The following ELMO1 variants were observed in gnomAD, a reference collection of about 807,000 sequenced individuals.
ELMO1 encodes the protein engulfment and cell motility 1.
Under a neutral mutation model 98.9 loss-of-function variants are expected in ELMO1, and 26 were observed. The ratio of observed to expected loss-of-function variants is 0.26; its 90% CI spans 0.19 to 0.36. The LOEUF is 0.36. ELMO1 is among the 10% of genes least tolerant of loss of function. ELMO1 has a pLI of 1.00. For missense variants in ELMO1, 627 were observed against 935.2 expected (o/e 0.67, Z 4.30); for synonymous variants, 346 against 346.0 (o/e 1.00, Z 0.00).
At chr7:37,210,900 A>T (rs1013447749) in intron 13 of ELMO1, among the ~76,000 whole-genome samples, 1 of 152,232 alleles carries the variant, frequency 6.6e-6, no homozygotes, top group South Asian at 2.1e-4. Context: ...CTAGGAGACA[A>T]CCTATTAGCA....
At chr7:37,112,277 A>T (rs1002353839) in intron 14 of ELMO1, among the ~76,000 whole-genome samples, 2 of 152,168 alleles carry the variant, frequency 1.3e-5, no homozygotes, top group Non-Finnish European at 2.9e-5. Context: ...TATAATTCCA[A>T]ACTAAGTGCT....
intron 16 of ELMO1, among the ~76,000 whole-genome samples, chr7:36,975,553 A>G (rs1157740826): frequency 1.3e-5 from 2 of 152,152 alleles, no homozygotes; most frequent in Non-Finnish European, 2.9e-5. Context: ...TTGACATTTA[A>G]AAGATAAAAC....
At position 37,385,748 on chromosome 7, in the gene ELMO1, G is replaced by A. The variant is rs112328185; in HGVS notation, c.-73-42985C>T. On this transcript the variant is annotated intron_variant, in intron 1 of 21. Coordinates refer to ENST00000310758, the MANE Select transcript of ELMO1 (RefSeq NM_014800.11). ...TTGTTGAGTGAACAGCTGAGCGAGC[G>A]CTAGCTTCCCACATGGCAAAATGCA... 1.5e-3 allele frequency among the ~76,000 whole-genome samples: 235 copies of A among 152,350 alleles called. 2 individuals are homozygous for A. The highest frequency in any genetic ancestry group is 5.3e-3 in the African/African-American group (220 of 41,572).
chr7:37,122,283 A>C (rs1272164807), intron 14 of ELMO1, among the ~76,000 whole-genome samples: 1 of 152,226 alleles, frequency 6.6e-6, no homozygotes, highest in Non-Finnish European at 1.5e-5. Flanking sequence ...TTCAAACATA[A>C]CAATATTAAC....
At chr7:37,403,677 T>C (rs1286093919) in intron 1 of ELMO1, among the ~76,000 whole-genome samples, 1 of 152,048 alleles carries the variant, frequency 6.6e-6, no homozygotes, top group Non-Finnish European at 1.5e-5. Flanking sequence ...CCAGAGTAGC[T>C]CGGACTACAG....
chr7:37,250,332 T>C (rs534284131), intron 6 of ELMO1, among the ~76,000 whole-genome samples: 1 of 152,278 alleles, frequency 6.6e-6, no homozygotes, highest in South Asian at 2.1e-4. Flanking sequence ...ACATGAGTAT[T>C]ATAATTCTAC....
At chr7:36,978,232 T>C (rs552769119) in intron 16 of ELMO1, among the ~76,000 whole-genome samples, 20 of 151,992 alleles carry the variant, frequency 1.3e-4, no homozygotes, top group Non-Finnish European at 2.8e-4. Context: ...TGTTGGCTCA[T>C]GGAGCCCAGA....
In ELMO1 at chr7:36,959,115, C is replaced by T. The variant is rs867343222; in HGVS notation, c.1437+54184G>A. On this transcript the variant is annotated intron_variant, in intron 16 of 21. Transcript: ENST00000310758. ...CATCAGTCTCTCCCACCACACTGCCCATCTGTCATATCCAGTTAGTGCATC... is the reference window on the plus strand; with the variant it reads ...CATCAGTCTCTCCCACCACACTGCCTATCTGTCATATCCAGTTAGTGCATC... Among the ~76,000 whole-genome samples the T allele has an allele frequency of 8.5e-5, 13 of 152,130 alleles. 1 individual carries two copies. Among genetic ancestry groups the T allele is most frequent in the African/African-American group, 3.1e-4 (13 of 41,410 alleles).
chr7:36,996,751 T>C (rs185031204), intron 16 of ELMO1, among the ~76,000 whole-genome samples: 2 of 152,324 alleles, frequency 1.3e-5, no homozygotes, highest in Admixed American at 6.5e-5. Flanking sequence ...AGTTGGGCCT[T>C]GAAGGACAGG....
intron 16 of ELMO1, among the ~76,000 whole-genome samples, chr7:36,997,050 G>A (rs1469499386): frequency 6.6e-6 from 1 of 152,142 alleles, no homozygotes; most frequent in Non-Finnish European, 1.5e-5. Context: ...AGGGGAGAGA[G>A]AACTTAGGCT....
intron 1 of ELMO1, among the ~76,000 whole-genome samples, chr7:37,385,687 G>A (rs114773414): frequency 1.1e-3 from 168 of 152,366 alleles, no homozygotes; most frequent in African/African-American, 3.9e-3. Context: ...CCGTGTCTAG[G>A]AGAGGGTCTG....
intron 6 of ELMO1, among the ~76,000 whole-genome samples, chr7:37,253,567 G>C (rs951021294): frequency 3.3e-5 from 5 of 152,216 alleles, no homozygotes; most frequent in Admixed American, 3.3e-4. Context: ...TCACACACCA[G>C]GGCCTGTCAG....
intron 14 of ELMO1, among the ~76,000 whole-genome samples, chr7:37,126,329 A>ATG (rs1563019733): frequency 7.0e-6 from 1 of 142,412 alleles, no homozygotes; most frequent in East Asian, 2.0e-4. Context: ...ATATATATAT[A>ATG]AAAGAAAAGA....
chr7:37,184,377 G>A (rs1168936262), intron 13 of ELMO1, among the ~76,000 whole-genome samples: 22 of 152,130 alleles, frequency 1.4e-4, no homozygotes, highest in Admixed American at 1.4e-3. Context: ...TCAGAGATGT[G>A]GGGAGACACG....
intron 16 of ELMO1, among the ~76,000 whole-genome samples, chr7:36,922,352 A>AAAAAAAAAAAAAAAAAC (rs1785216341): frequency 6.6e-6 from 1 of 151,082 alleles, no homozygotes; most frequent in Non-Finnish European, 1.5e-5. Flanking sequence ...ACTTGCAAAA[A>AAAAAAAAAAAAAAAAAC]AAAAAAAAAA....
At chr7:36,877,155 A>T (rs2129044442) in intron 19 of ELMO1, among the ~76,000 whole-genome samples, 1 of 152,314 alleles carries the variant, frequency 6.6e-6, no homozygotes, top group Non-Finnish European at 1.5e-5. Context: ...CTGGGTAAGG[A>T]CACTGTCTGG....
At chr7:37,053,285 AACACACACAC>A (rs59573752) in intron 15 of ELMO1, among the ~76,000 whole-genome samples, 11,131 of 138,822 alleles carry the variant, frequency 0.08, 478 homozygotes, top group Middle Eastern at 0.2. Context: ...CATTTGTTAA[AACACACACAC>A]ACACACACAC....
chr7:37,371,536 T>TGG (rs572201413), intron 1 of ELMO1, among the ~76,000 whole-genome samples: 1 of 152,270 alleles, frequency 6.6e-6, no homozygotes, highest in African/African-American at 2.4e-5. Context: ...AGTAACAAAA[T>TGG]GGGGGGGTTC....
intron 6 of ELMO1, among the ~76,000 whole-genome samples, chr7:37,244,796 G>A (rs1325856503): frequency 1.3e-5 from 2 of 152,086 alleles, no homozygotes; most frequent in Admixed American, 1.3e-4. Context: ...ATCTTTCTTT[G>A]GTAGAATGTC....
Sources: allele counts gnomAD v4.1 joint callset (sites outside exome capture counted in the v4.1 genomes callset), GRCh38; gene constraint gnomAD v4.1.1; transcripts MANE v1.5; gene names NCBI Gene and HGNC (gene_info 2026-07-23, HGNC 2026-07-21).